Variants in PAIP2 observed in about 807,000 individuals in gnomAD.
The protein encoded by PAIP2 is polyadenylate-binding protein-interacting protein 2.
PAIP2 carries 7 observed loss-of-function variants against 14.8 expected under a neutral mutation model. That is an observed-to-expected ratio of 0.47 (90% confidence interval 0.27 to 0.89). The LOEUF is 0.89. PAIP2 is among the 40% of genes least tolerant of loss of function. The pLI is 0.13. For synonymous variants in PAIP2, 47 were observed against 45.3 expected (o/e 1.04, Z -0.15); for missense variants, 122 against 154.7 (o/e 0.79, Z 1.12).
chr5:139,360,599 C>G (rs531334416), intron 1 of PAIP2, among the ~76,000 whole-genome samples: 1 of 150,806 alleles, frequency 6.6e-6, no homozygotes, highest in South Asian at 2.1e-4. Context: ...GTCAGGAGAT[C>G]CTCCTACCTT....
intron 1 of PAIP2, among the ~76,000 whole-genome samples, chr5:139,353,435 C>G (rs1383051564): frequency 2.6e-5 from 4 of 151,908 alleles, no homozygotes; most frequent in Non-Finnish European, 4.4e-5. Flanking sequence ...GATGATATAC[C>G]CCAGCTGTTG....
chr5:139,368,144 G>A (rs1202787360), intron 3 of PAIP2, among the ~76,000 whole-genome samples: 6 of 152,146 alleles, frequency 3.9e-5, no homozygotes, highest in East Asian at 1.9e-4. Context: ...GACCATCCTG[G>A]CTAACATGGT....
chr5:139,352,503 T>TTTTTTTTTTTTTC (rs1422182919), intron 1 of PAIP2, among the ~76,000 whole-genome samples: 1 of 124,462 alleles, frequency 8.0e-6, no homozygotes, highest in Non-Finnish European at 1.7e-5. Context: ...TTTTTTGTTG[T>TTTTTTTTTTTTTC]TTTTTTTTTT....
chr5:139,358,296 A>T (rs958035229), intron 1 of PAIP2, among the ~76,000 whole-genome samples: 1 of 152,220 alleles, frequency 6.6e-6, no homozygotes, highest in African/African-American at 2.4e-5. Flanking sequence ...TATTAAATAG[A>T]TGATGACTGT....
At chr5:139,366,073 C>G (rs1392085222) in intron 3 of PAIP2, among the ~76,000 whole-genome samples, 1 of 151,486 alleles carries the variant, frequency 6.6e-6, no homozygotes, top group Non-Finnish European at 1.5e-5. Flanking sequence ...TGTGGTGGTG[C>G]GTGCCTGTAA....
intron 3 of PAIP2, among the ~76,000 whole-genome samples, chr5:139,366,266 A>G (rs1024781215): frequency 4.0e-5 from 6 of 151,734 alleles, no homozygotes; most frequent in Admixed American, 3.9e-4. Context: ...TCAGCACTAG[A>G]GTGAGAACTG....
At chr5:139,368,675 T>G in intron 3 of PAIP2, 58 bp from the exon 4 acceptor site, 1 of 1,164,594 alleles carries the variant, frequency 8.6e-7, no homozygotes, top group Non-Finnish European at 1.3e-6. Flanking sequence ...GGATCTAGAT[T>G]GAATTAGTAC....
chr5:139,346,852 G>C (rs1049196878), intron 1 of PAIP2, among the ~76,000 whole-genome samples: 3 of 148,258 alleles, frequency 2.0e-5, no homozygotes, highest in Non-Finnish European at 4.5e-5. Context: ...GTCTCAGTCT[G>C]TTGCTCAGGC....
At chr5:139,351,793 G>A (rs895516940) in intron 1 of PAIP2, among the ~76,000 whole-genome samples, 1 of 151,782 alleles carries the variant, frequency 6.6e-6, no homozygotes, top group African/African-American at 2.4e-5. Flanking sequence ...CAAGTAATTG[G>A]GTCTACAGGT....
chr5:139,359,943 G>A (rs1172329524), intron 1 of PAIP2, among the ~76,000 whole-genome samples: 6 of 151,016 alleles, frequency 4.0e-5, no homozygotes, highest in African/African-American at 7.3e-5. Context: ...TGTACTCTCC[G>A]TCTCAAAAAA....
intron 1 of PAIP2, among the ~76,000 whole-genome samples, chr5:139,352,720 C>A (rs1040232474): frequency 4.0e-5 from 6 of 151,614 alleles, no homozygotes; most frequent in African/African-American, 1.5e-4. Context: ...ATCTTCCTGC[C>A]TCAGCCTCCC....
intron 1 of PAIP2, among the ~76,000 whole-genome samples, chr5:139,359,670 T>C (rs1757012382): frequency 6.6e-6 from 1 of 151,784 alleles, no homozygotes; most frequent in Non-Finnish European, 1.5e-5. Context: ...GCCTGCCATA[T>C]AAGAATGAGT....
chr5:139,349,252 T>C (rs1448872149), intron 1 of PAIP2, among the ~76,000 whole-genome samples: 3 of 152,130 alleles, frequency 2.0e-5, no homozygotes, highest in Non-Finnish European at 4.4e-5. Flanking sequence ...GTTGTTGTTG[T>C]TGTTGTTTTT....
At chr5:139,357,738 G>A (rs889566528) in intron 1 of PAIP2, among the ~76,000 whole-genome samples, 6 of 152,210 alleles carry the variant, frequency 3.9e-5, no homozygotes, top group Non-Finnish European at 5.9e-5. Context: ...GGCTGAGGAA[G>A]GAGAATCGCT....
chr5:139,367,868 T>C (rs1757365597), intron 3 of PAIP2, among the ~76,000 whole-genome samples: 1 of 152,212 alleles, frequency 6.6e-6, no homozygotes, highest in Non-Finnish European at 1.5e-5. Flanking sequence ...TGGTTACACT[T>C]AAGCAAACTG....
At chr5:139,359,195 G>A (rs1440624888) in intron 1 of PAIP2, among the ~76,000 whole-genome samples, 2 of 152,122 alleles carry the variant, frequency 1.3e-5, no homozygotes, top group African/African-American at 4.8e-5. Context: ...AGAGTGCAGT[G>A]GCGCGATCTT....
chr5:139,342,158 G>C lies in PAIP2; in HGVS notation c.-27+178G>C, dbSNP rs577272315. Among the ~76,000 whole-genome samples, 4 of 152,110 alleles carry C rather than the reference G, an allele frequency of 2.6e-5. No individual in the cohort carries two copies. The South Asian group carries it at 8.3e-4, about 32-fold the overall frequency. ...TGAGGGATGAGCTTGGGCCGACTTC[G>C]TCTCTGTCTTCTCCGAGACATGGCC... On this transcript the variant is annotated intron_variant, in intron 1 of 3. Coordinates refer to ENST00000265192, the MANE Select transcript of PAIP2 (RefSeq NM_016480.5).
At chr5:139,362,840 G>A (rs1457401235) in intron 1 of PAIP2, among the ~76,000 whole-genome samples, 3 of 152,014 alleles carry the variant, frequency 2.0e-5, no homozygotes, top group Admixed American at 6.5e-5. Context: ...GCACCCAGCC[G>A]ACCATGCTTG....
chr5:139,350,825 A>C (rs2152047205), intron 1 of PAIP2, among the ~76,000 whole-genome samples: 1 of 152,258 alleles, frequency 6.6e-6, no homozygotes, highest in Non-Finnish European at 1.5e-5. Context: ...AGAAATACAC[A>C]ATTACAGAAT....
Sources: gnomAD v4.1 joint callset for allele counts (sites outside exome capture counted in the v4.1 genomes callset) on GRCh38, gnomAD v4.1.1 for gene constraint, MANE v1.5 for transcripts, NCBI Gene and HGNC (gene_info 2026-07-23, HGNC 2026-07-21) for gene names.